The following CDK8 variants were observed in gnomAD, a reference collection of about 807,000 sequenced individuals.
CDK8 encodes the protein cyclin dependent kinase 8, also known as cyclin-dependent kinase 8.
In CDK8, 29 loss-of-function variants were observed where a neutral mutation model predicts 71.5. That is an observed-to-expected ratio of 0.41 (90% CI 0.30 to 0.55). CDK8 has a LOEUF of 0.55. CDK8 is among the 20% of genes least tolerant of loss of function. The pLI is 0.37. For synonymous variants in CDK8, 161 were observed against 192.1 expected, an observed-to-expected ratio of 0.84 and a Z score of 1.34; for missense variants, 288 against 572.6, an observed-to-expected ratio of 0.50 and a Z score of 5.07.
At position 26,379,626 on chromosome 13, in the gene CDK8, G is replaced by C. The variant is rs560970108; in HGVS notation, c.457-3188G>C. Reference sequence around the variant, plus strand: ...AAAGAGGGAAGGAGAAAAAAAGATGGTGTGAGAGTGAGATCTTTTCCACTC... The same window carrying C: ...AAAGAGGGAAGGAGAAAAAAAGATGCTGTGAGAGTGAGATCTTTTCCACTC... On this transcript the variant is annotated intron_variant, in intron 4 of 12. Coordinates refer to ENST00000381527, the MANE Select transcript of CDK8 (RefSeq NM_001260.3). 2.0e-5 allele frequency among the ~76,000 whole-genome samples: 3 copies of C among 152,306 alleles called. No homozygotes were observed. In the East Asian group the frequency reaches 5.8e-4, roughly 29 times the overall value.
chr13:26,288,373 A>T (rs1444661233), intron 1 of CDK8, among the ~76,000 whole-genome samples: 1 of 151,954 alleles, frequency 6.6e-6, no homozygotes, highest in African/African-American at 2.4e-5. Flanking sequence ...TTACATTTAG[A>T]GTTACTGTAC....
At chr13:26,375,278 T>C (rs1350025870) in intron 4 of CDK8, among the ~76,000 whole-genome samples, 1 of 152,200 alleles carries the variant, frequency 6.6e-6, no homozygotes, top group Non-Finnish European at 1.5e-5. Context: ...ATTTTATCCA[T>C]TGAGCGTGTA....
rs17084030 is a variant in CDK8, at chr13:26,401,120, C to T, written c.1032-149C>T. 12,852 of 641,074 alleles carry T rather than the reference C, an allele frequency of 0.02. 1,209 individuals carry two copies. The African/African-American group carries it at 0.21, about 10-fold the overall frequency. 39.7% of individuals were successfully genotyped at this position (641,074 alleles called of 1,614,324 possible). A position where few individuals can be genotyped will look rare whatever the true frequency, so the allele number is the denominator to read the frequency against. ...TATTACTAGTTACAAAGAAAAGATT[C>T]GTTTTGTCACAGTTACATGAAAGGT... On this transcript the variant is annotated intron_variant, in intron 10 of 12. Transcript: ENST00000381527. The surrounding 1 kb of genome is among the most constrained non-coding windows in gnomAD (Gnocchi z 4.5).
Position 26,284,286 on chromosome 13 carries a change from A to G in CDK8, c.128+29517A>G, listed in dbSNP as rs552023249. On this transcript the variant is annotated intron_variant, in intron 1 of 12. Coordinates refer to ENST00000381527, the MANE Select transcript of CDK8 (RefSeq NM_001260.3). ...AACGCAGCAGAAGAAAATAAATAAC[A>G]AAGATTAGAGCAGAACTAAACAAAA... 2.5e-4 allele frequency among the ~76,000 whole-genome samples: 38 copies of G among 152,328 alleles called. No homozygotes were observed. The East Asian group carries it at 2.9e-3, about 12-fold the overall frequency.
intron 2 of CDK8, among the ~76,000 whole-genome samples, chr13:26,343,169 G>A (rs1873312304): frequency 6.6e-6 from 1 of 152,076 alleles, no homozygotes; most frequent in Non-Finnish European, 1.5e-5. Flanking sequence ...TGCATTATTA[G>A]GCGATCTCAT....
At chr13:26,367,887 A>G (rs1233831280) in intron 4 of CDK8, among the ~76,000 whole-genome samples, 1 of 152,158 alleles carries the variant, frequency 6.6e-6, no homozygotes, top group Non-Finnish European at 1.5e-5. Flanking sequence ...CTTTTTCTCA[A>G]AGAAGAGTCA....
intron 7 of CDK8, among the ~76,000 whole-genome samples, chr13:26,394,715 G>A (rs1399450421): frequency 6.6e-6 from 1 of 152,194 alleles, no homozygotes; most frequent in East Asian, 1.9e-4. Context: ...TGGTTCAGAG[G>A]TTAGGGTGGT....
chr13:26,327,271 A>AT (rs1875062214), intron 1 of CDK8, among the ~76,000 whole-genome samples: 3 of 152,200 alleles, frequency 2.0e-5, no homozygotes. Context: ...AATTTTTATA[A>AT]TTTTGAATTA....
At chr13:26,379,129 G>A (rs1314569484) in intron 4 of CDK8, among the ~76,000 whole-genome samples, 1 of 152,178 alleles carries the variant, frequency 6.6e-6, no homozygotes, top group Admixed American at 6.5e-5. Flanking sequence ...CATATGTAGT[G>A]TTAATGGAAA....
intron 1 of CDK8, among the ~76,000 whole-genome samples, chr13:26,297,028 G>T (rs1366347268): frequency 2.0e-5 from 3 of 152,134 alleles, no homozygotes; most frequent in Non-Finnish European, 2.9e-5. Flanking sequence ...TTTCATTGGA[G>T]ATAAGAACCT....
chr13:26,254,468 C>G lies in CDK8; in HGVS notation c.-174C>G. 3 of 522,248 alleles carry G rather than the reference C, an allele frequency of 5.7e-6. No homozygotes were observed. The highest frequency in any genetic ancestry group is 2.2e-5 in the South Asian group (1 of 45,538). 32.4% of individuals were successfully genotyped at this position (522,248 alleles called of 1,614,324 possible). A position where few individuals can be genotyped will look rare whatever the true frequency, so the allele number is the denominator to read the frequency against. ...TGCCCCGCCGTCCCCCTGGATGTCCCTGGCGCTTTCGCGGGGCCTCCTCCT... is the reference window on the plus strand; with the variant it reads ...TGCCCCGCCGTCCCCCTGGATGTCCGTGGCGCTTTCGCGGGGCCTCCTCCT... On this transcript the variant is annotated 5_prime_UTR_variant, in exon 1 of 13. Coordinates refer to ENST00000381527, the MANE Select transcript of CDK8 (RefSeq NM_001260.3). This position sits in a 1 kb window ranked among gnomAD's most constrained non-coding sequence, Gnocchi z 6.7.
At chr13:26,378,479 T>C (rs1049803654) in intron 4 of CDK8, among the ~76,000 whole-genome samples, 1 of 152,212 alleles carries the variant, frequency 6.6e-6, no homozygotes, top group Non-Finnish European at 1.5e-5. Context: ...AACAATTAGA[T>C]AAGGGAACCC....
intron 1 of CDK8, among the ~76,000 whole-genome samples, chr13:26,259,368 TA>T (rs1871669496): frequency 6.6e-6 from 1 of 152,256 alleles, no homozygotes; most frequent in East Asian, 1.9e-4. Context: ...ATTATTTCCT[TA>T]AAAAATAGAG....
chr13:26,337,606 A>T lies in CDK8; in HGVS notation c.168A>T (p.Gly56=). ...ACTATGCTTTAAAACAAATAGAAGG[A>T]ACTGGGATCTCTATGTCGGCATGTA... The part of the protein sequence containing the change: ...DKDYALKQIE[G]TGISMSACRE... The change falls in exon 2 of 13, where the codon GGA becomes GGT. Residue 56 remains glycine, a synonymous_variant. Transcript: ENST00000381527. 6.8e-7 allele frequency: 1 copy of T among 1,460,584 alleles called. No homozygotes were observed. Among genetic ancestry groups the T allele is most frequent in the Non-Finnish European group, 9.0e-7 (1 of 1,106,568 alleles). 90.5% of individuals were successfully genotyped at this position (1,460,584 alleles called of 1,614,324 possible).
At chr13:26,346,844 T>C (rs1321056870) in intron 2 of CDK8, among the ~76,000 whole-genome samples, 1 of 152,244 alleles carries the variant, frequency 6.6e-6, no homozygotes, top group Non-Finnish European at 1.5e-5. Context: ...ATTTAATTGA[T>C]TTATAGTCTT....
rs1269600003 is a variant in CDK8, at chr13:26,315,139, G to A, written c.129-22428G>A. On this transcript the variant is annotated intron_variant, in intron 1 of 12. Transcript: ENST00000381527. ...TATAGTCTGTTGTGCTTTTTCTTTT[G>A]GCTTGAAAGCACTCAAAGTGTATAA... 1.3e-5 allele frequency among the ~76,000 whole-genome samples: 2 copies of A among 151,538 alleles called. 1 individual carries two copies. The highest frequency in any genetic ancestry group is 4.9e-5 in the African/African-American group (2 of 41,218).
intron 6 of CDK8, among the ~76,000 whole-genome samples, chr13:26,390,140 C>T (rs1373643093): frequency 6.6e-6 from 1 of 152,234 alleles, no homozygotes. Context: ...AAATTTCTCA[C>T]ACCACCATTA....
intron 4 of CDK8, among the ~76,000 whole-genome samples, chr13:26,370,124 G>GA (rs1208252198): frequency 6.6e-6 from 1 of 152,106 alleles, no homozygotes; most frequent in Non-Finnish European, 1.5e-5. Context: ...AATTGTTCTA[G>GA]AGTTGTGTAA....
rs565655914 is a variant in CDK8, at chr13:26,254,451, C to T, written c.-191C>T. 3.6e-5 allele frequency: 17 copies of T among 467,764 alleles called. No individual in the cohort carries two copies. In the Middle Eastern group the frequency reaches 2.3e-3, roughly 63 times the overall value. The allele number at this position is 467,764 out of a possible 1,614,324, so 29.0% of individuals were successfully genotyped here. On this transcript the variant is annotated 5_prime_UTR_variant, in exon 1 of 13. Transcript: ENST00000381527. This position sits in a 1 kb window ranked among gnomAD's most constrained non-coding sequence, Gnocchi z 6.7. ...CACCCCCGGCCGGCCTCTGCCCCGC[C>T]GTCCCCCTGGATGTCCCTGGCGCTT...
Sources: allele counts gnomAD v4.1 joint callset (sites outside exome capture counted in the v4.1 genomes callset), GRCh38; gene constraint gnomAD v4.1.1; non-coding constraint Gnocchi (gnomAD v3.1); transcripts MANE v1.5; gene names NCBI Gene and HGNC (gene_info 2026-07-23, HGNC 2026-07-21).